Variants in TYW1 observed in about 807,000 individuals in gnomAD.
TYW1 encodes S-adenosyl-L-methionine-dependent tRNA 4-demethylwyosine synthase TYW1.
In TYW1, 46 loss-of-function variants were observed where a neutral mutation model predicts 96.2. That is an observed-to-expected ratio of 0.48 (90% confidence interval 0.38 to 0.61). The LOEUF is 0.61. TYW1 is among the 20% of genes least tolerant of loss of function. The pLI is 0.00. For missense variants in TYW1, 684 were observed against 909.6 expected (o/e 0.75, Z 3.19); for synonymous variants, 274 against 323.0 (o/e 0.85, Z 1.63).
At chr7:67,078,444 C>G (rs139314179) in intron 10 of TYW1, among the ~76,000 whole-genome samples, 32 of 152,234 alleles carry the variant, frequency 2.1e-4, no homozygotes, top group African/African-American at 7.5e-4. Flanking sequence ...TGTGTTCATT[C>G]TGCATAGGAT....
intron 10 of TYW1, among the ~76,000 whole-genome samples, chr7:67,072,940 T>TTTTG (rs1202006622): frequency 9.2e-6 from 1 of 109,140 alleles, no homozygotes; most frequent in African/African-American, 3.2e-5. Flanking sequence ...TCCAGTTTTT[T>TTTTG]TTTTTTTTTT....
At chr7:67,087,632 G>A (rs1481357926) in intron 11 of TYW1, among the ~76,000 whole-genome samples, 4 of 151,706 alleles carry the variant, frequency 2.6e-5, no homozygotes, top group Non-Finnish European at 4.4e-5. Context: ...TTGATAACAC[G>A]TTACCATGTC....
rs1801975156 is a variant in TYW1 at position 67,238,814 on chromosome 7, A to G, written c.*285A>G. 8.1e-7 allele frequency: 1 copy of G among 1,234,656 alleles called. No individual in the cohort carries two copies. The highest frequency in any genetic ancestry group is 1.0e-6 in the Non-Finnish European group (1 of 982,238). The allele number at this position is 1,234,656 out of a possible 1,614,324, so 76.5% of individuals were successfully genotyped here. ...CACAGTCGTGATTAGAATTTATCTG[A>G]TGGTTTTGTATTATAACTTGTAAGA... On this transcript the variant is annotated 3_prime_UTR_variant, in exon 16 of 16. Transcript: ENST00000359626.
At chr7:67,063,868 C>T (rs1216738384) in intron 9 of TYW1, among the ~76,000 whole-genome samples, 1 of 130,504 alleles carries the variant, frequency 7.7e-6, no homozygotes, top group Admixed American at 7.4e-5. Context: ...TCCCAAAGTG[C>T]TGGATTACAG....
chr7:67,181,450 A>C (rs1359180387), intron 13 of TYW1, among the ~76,000 whole-genome samples: 5 of 152,150 alleles, frequency 3.3e-5, no homozygotes, highest in Admixed American at 6.5e-5. Context: ...TGCTTGGAAA[A>C]CATTAATTTC....
At chr7:67,211,307 G>A (rs1001599968) in intron 15 of TYW1, among the ~76,000 whole-genome samples, 4 of 152,006 alleles carry the variant, frequency 2.6e-5, no homozygotes, top group Non-Finnish European at 4.4e-5. Flanking sequence ...GTGTGAAAGC[G>A]ATACAAATTC....
At chr7:67,118,363 A>G (rs1797660014) in intron 13 of TYW1, among the ~76,000 whole-genome samples, 1 of 151,590 alleles carries the variant, frequency 6.6e-6, no homozygotes, top group Non-Finnish European at 1.5e-5. Flanking sequence ...ATAAAATGGC[A>G]TAGTATTTGC....
intron 3 of TYW1, among the ~76,000 whole-genome samples, chr7:67,000,367 C>T (rs980392310): frequency 1.1e-4 from 16 of 151,564 alleles, no homozygotes; most frequent in South Asian, 6.3e-4. Context: ...GGTGTGATCT[C>T]GGCTCACCAC....
intron 3 of TYW1, among the ~76,000 whole-genome samples, chr7:67,003,482 T>C (rs1369508961): frequency 6.6e-6 from 1 of 151,404 alleles, no homozygotes; most frequent in Non-Finnish European, 1.5e-5. Context: ...AGCACGTACA[T>C]TGCAATGGGG....
intron 15 of TYW1, among the ~76,000 whole-genome samples, chr7:67,214,193 T>A (rs902337861): frequency 5.3e-5 from 8 of 152,350 alleles, no homozygotes; most frequent in Admixed American, 6.5e-5. Flanking sequence ...AATCAGACTT[T>A]GTTTTCTACA....
intron 15 of TYW1, among the ~76,000 whole-genome samples, chr7:67,210,710 T>TC (rs1584700592): frequency 1.1e-5 from 1 of 91,852 alleles, no homozygotes; most frequent in East Asian, 2.1e-4. Context: ...ATCCATCCAT[T>TC]CATCATCTGT....
At chr7:67,020,004 TTCATTTCA>T (rs1794188817) in intron 6 of TYW1, among the ~76,000 whole-genome samples, 1 of 152,270 alleles carries the variant, frequency 6.6e-6, no homozygotes, top group African/African-American at 2.4e-5. Flanking sequence ...TCATTCCAAT[TTCATTTCA>T]GTCCAAGCTA....
intron 7 of TYW1, among the ~76,000 whole-genome samples, chr7:67,037,504 CAAAAA>C (rs570794125): frequency 3.5e-5 from 3 of 85,150 alleles, no homozygotes; most frequent in Non-Finnish European, 4.9e-5. Context: ...AACTCCGTCT[CAAAAA>C]AAAAAAAAAA....
chr7:67,225,302 G>A (rs886122804), intron 15 of TYW1, among the ~76,000 whole-genome samples: 6 of 151,790 alleles, frequency 4.0e-5, no homozygotes, highest in South Asian at 2.1e-4. Flanking sequence ...GAACAAGTAC[G>A]TTGCACAGAC....
intron 15 of TYW1, among the ~76,000 whole-genome samples, chr7:67,221,367 T>C (rs1342001849): frequency 6.6e-6 from 1 of 152,234 alleles, no homozygotes. Flanking sequence ...TCCCTTTCAA[T>C]CCACTTGTAT....
chr7:67,043,359 CT>C lies in TYW1; in HGVS notation c.985-6574del, dbSNP rs35321806. Among the ~76,000 whole-genome samples, 856 of 142,994 alleles carry C rather than the reference CT, an allele frequency of 6.0e-3. 9 individuals are homozygous for C. The highest frequency in any genetic ancestry group is 0.018 in the African/African-American group (691 of 38,938). 93.8% of individuals were successfully genotyped at this position (142,994 alleles called of 152,430 possible). ...TTTGTAAATGTAAAGCCCATTGCTA[CT>C]TTTTTTTTTTTTTTTCCTGCAGTAA... On this transcript the variant is annotated intron_variant, in intron 7 of 15. Transcript: ENST00000359626.
chr7:67,131,061 C>A (rs1798057389), intron 13 of TYW1, among the ~76,000 whole-genome samples: 1 of 139,122 alleles, frequency 7.2e-6, no homozygotes, highest in Admixed American at 6.9e-5. Context: ...TTTATCTGAT[C>A]TCCTCTTGGT....
At chr7:67,156,967 C>A (rs1207633748) in intron 13 of TYW1, among the ~76,000 whole-genome samples, 1 of 151,904 alleles carries the variant, frequency 6.6e-6, no homozygotes, top group Non-Finnish European at 1.5e-5. Context: ...CTCTCACTTA[C>A]CTTTCCCCTT....
chr7:67,237,499 C>CAAA (rs386410332), intron 15 of TYW1, among the ~76,000 whole-genome samples: 1 of 98,782 alleles, frequency 1.0e-5, no homozygotes, highest in African/African-American at 3.3e-5. Flanking sequence ...GACTCTGTCT[C>CAAA]AAAAAAAAAA....
Sources: allele counts gnomAD v4.1 joint callset (sites outside exome capture counted in the v4.1 genomes callset), GRCh38; gene constraint gnomAD v4.1.1; transcripts MANE v1.5; gene names NCBI Gene and HGNC (gene_info 2026-07-23, HGNC 2026-07-21).